The following AUTS2 variants were observed in gnomAD, a reference collection of about 807,000 sequenced individuals.
The protein encoded by AUTS2 is activator of transcription and developmental regulator AUTS2.
Under a neutral mutation model 112.4 loss-of-function variants are expected in AUTS2, and 17 were observed. The observed-to-expected ratio is 0.15, with a 90% CI of 0.10 to 0.23. The LOEUF is 0.23. Ranked by LOEUF, AUTS2 falls within the 10% of genes least tolerant of loss-of-function variation. The probability of loss-of-function intolerance (pLI) is 1.00; values close to 1 mark genes in which losing one functional copy is unlikely to be tolerated. For missense variants in AUTS2, 1,510 were observed against 1,701.6 expected (o/e 0.89, Z 1.98); for synonymous variants, 751 against 702.7 (o/e 1.07, Z -1.09).
chr7:70,274,713 A>G (rs898705265), intron 4 of AUTS2, among the ~76,000 whole-genome samples: 2 of 152,212 alleles, frequency 1.3e-5, no homozygotes, highest in Non-Finnish European at 1.5e-5. Flanking sequence ...TCGGAATGGT[A>G]GAGACGGAAA....
chr7:70,134,032 C>T (rs746369766), intron 3 of AUTS2, among the ~76,000 whole-genome samples: 1 of 152,100 alleles, frequency 6.6e-6, no homozygotes, highest in Non-Finnish European at 1.5e-5. Flanking sequence ...TAACTGATGC[C>T]TTTAGGGAAT....
At chr7:70,079,441 ACAG>A (rs1327339065) in intron 2 of AUTS2, among the ~76,000 whole-genome samples, 2 of 152,060 alleles carry the variant, frequency 1.3e-5, no homozygotes, top group Non-Finnish European at 2.9e-5. Context: ...GATGGAGGTT[ACAG>A]TGAGCTGAGA....
chr7:69,664,122 G>A (rs1016326347), intron 1 of AUTS2, among the ~76,000 whole-genome samples: 5 of 152,144 alleles, frequency 3.3e-5, no homozygotes, highest in African/African-American at 4.8e-5. Flanking sequence ...TCCTAGCCAC[G>A]TGACAACACA....
chr7:70,082,239 A>G (rs953380614), intron 2 of AUTS2, among the ~76,000 whole-genome samples: 3 of 152,198 alleles, frequency 2.0e-5, no homozygotes, highest in African/African-American at 7.2e-5. Context: ...TTGATTTGCT[A>G]AAACCTGGTA....
intron 5 of AUTS2, among the ~76,000 whole-genome samples, chr7:70,486,490 A>G (rs1018521804): frequency 2.0e-5 from 3 of 152,134 alleles, no homozygotes; most frequent in African/African-American, 7.2e-5. Context: ...TAATCCCAAC[A>G]CTTTGGGGGC....
At chr7:70,052,713 A>G (rs1801812130) in intron 2 of AUTS2, among the ~76,000 whole-genome samples, 1 of 152,152 alleles carries the variant, frequency 6.6e-6, no homozygotes, top group South Asian at 2.1e-4. Context: ...TACTATACCT[A>G]CTGAAGTCCT....
intron 4 of AUTS2, among the ~76,000 whole-genome samples, chr7:70,174,922 AC>A (rs1395457986): frequency 6.6e-6 from 1 of 152,206 alleles, no homozygotes; most frequent in Non-Finnish European, 1.5e-5. Context: ...CATTTATTTT[AC>A]CATTCATGGA....
At chr7:70,672,375 A>G (rs1585480338) in intron 5 of AUTS2, among the ~76,000 whole-genome samples, 1 of 152,188 alleles carries the variant, frequency 6.6e-6, no homozygotes, top group Admixed American at 6.5e-5. Context: ...TAATAATAGT[A>G]TTTTGTCACG....
At chr7:70,243,584 A>G (rs973913378) in intron 4 of AUTS2, among the ~76,000 whole-genome samples, 1 of 152,104 alleles carries the variant, frequency 6.6e-6, no homozygotes, top group Non-Finnish European at 1.5e-5. Context: ...ACTGTGCTCA[A>G]TTGAAAGAAA....
chr7:69,955,016 A>G (rs1424090965), intron 2 of AUTS2, among the ~76,000 whole-genome samples: 23 of 152,198 alleles, frequency 1.5e-4, no homozygotes. Context: ...ACACCATGTG[A>G]ATTTTCCTGA....
intron 1 of AUTS2, among the ~76,000 whole-genome samples, chr7:69,760,552 G>A (rs548500005): frequency 8.1e-4 from 123 of 152,184 alleles, no homozygotes; most frequent in African/African-American, 2.8e-3. Flanking sequence ...TGTCGGGCGC[G>A]GTGGCTCACG....
At chr7:70,238,298 A>T (rs1812431566) in intron 4 of AUTS2, among the ~76,000 whole-genome samples, 1 of 152,194 alleles carries the variant, frequency 6.6e-6, no homozygotes, top group East Asian at 1.9e-4. Flanking sequence ...GTGTTTCATT[A>T]TGTCTCCAGC....
chr7:70,579,381 T>A (rs1802334076), intron 5 of AUTS2, among the ~76,000 whole-genome samples: 1 of 151,946 alleles, frequency 6.6e-6, no homozygotes, highest in African/African-American at 2.4e-5. Flanking sequence ...TCAAATGAAA[T>A]TGAGATGAAC....
At chr7:70,778,118 T>C (rs544372548) in intron 14 of AUTS2, among the ~76,000 whole-genome samples, 1 of 152,344 alleles carries the variant, frequency 6.6e-6, no homozygotes, top group South Asian at 2.1e-4. Context: ...ACATATTCCA[T>C]GTTCTGCTAG....
chr7:70,385,416 C>A (rs1793565757), intron 4 of AUTS2, among the ~76,000 whole-genome samples: 1 of 152,178 alleles, frequency 6.6e-6, no homozygotes. Context: ...AACTGGGTGG[C>A]AATAATATAT....
At chr7:69,823,608 AAC>A (rs1164268946) in intron 1 of AUTS2, among the ~76,000 whole-genome samples, 1 of 152,188 alleles carries the variant, frequency 6.6e-6, no homozygotes, top group Non-Finnish European at 1.5e-5. Context: ...AGGGGCGACT[AAC>A]ATCAAAGTAC....
At chr7:70,046,891 A>G (rs2129558643) in intron 2 of AUTS2, among the ~76,000 whole-genome samples, 1 of 152,310 alleles carries the variant, frequency 6.6e-6, no homozygotes, top group Admixed American at 6.5e-5. Flanking sequence ...TGAATTTTAG[A>G]GCAATGTGTA....
intron 1 of AUTS2, among the ~76,000 whole-genome samples, chr7:69,844,303 C>T (rs1227229790): frequency 2.0e-5 from 3 of 152,172 alleles, no homozygotes; most frequent in Non-Finnish European, 4.4e-5. Flanking sequence ...CCACCTGGTA[C>T]TTAAATGGTT....
intron 4 of AUTS2, among the ~76,000 whole-genome samples, chr7:70,207,430 G>A (rs145042137): frequency 6.6e-6 from 1 of 152,184 alleles, no homozygotes; most frequent in African/African-American, 2.4e-5. Flanking sequence ...TGAAAAAAAT[G>A]TATGAAGAAT....
Sources: allele counts gnomAD v4.1 joint callset (sites outside exome capture counted in the v4.1 genomes callset), GRCh38; gene constraint gnomAD v4.1.1; transcripts MANE v1.5; gene names NCBI Gene and HGNC (gene_info 2026-07-23, HGNC 2026-07-21).